Variants in RGS8 observed in about 807,000 individuals in gnomAD.
RGS8 encodes the protein regulator of G-protein signaling 8.
RGS8 carries 8 observed loss-of-function variants against 21.7 expected under a neutral mutation model. The observed-to-expected ratio is 0.37, with a 90% CI of 0.22 to 0.66. The LOEUF is 0.66. Among genes scored for constraint, RGS8 ranks in the 30% least tolerant of loss-of-function variants. RGS8 has a pLI of 0.59. For missense variants in RGS8, 157 were observed against 217.9 expected (o/e 0.72, Z 1.76); for synonymous variants, 80 against 83.6 (o/e 0.96, Z 0.24).
chr1:182,696,873 A>C, the RGS8 span, among the ~76,000 whole-genome samples: 1 of 152,216 alleles, frequency 6.6e-6, no homozygotes, highest in South Asian at 2.1e-4. Flanking sequence ...TTGGTGGATC[A>C]GCTGAGACTG....
the RGS8 span, among the ~76,000 whole-genome samples, chr1:182,728,035 C>A: frequency 6.6e-6 from 1 of 152,158 alleles, no homozygotes; most frequent in African/African-American, 2.4e-5. Flanking sequence ...ATATCTACAA[C>A]AAATCCAAAT....
the RGS8 span, among the ~76,000 whole-genome samples, chr1:182,700,469 G>A: frequency 6.6e-6 from 1 of 152,124 alleles, no homozygotes; most frequent in African/African-American, 2.4e-5. Flanking sequence ...GTTCTTCCTG[G>A]TTTCTCTTTC....
intron 6 of RGS8, among the ~76,000 whole-genome samples, chr1:182,647,916 AACTGAC>A (rs1453556080): frequency 6.6e-6 from 1 of 152,224 alleles, no homozygotes; most frequent in Non-Finnish European, 1.5e-5. Flanking sequence ...GCACATGTTT[AACTGAC>A]AGATAACTAA....
At chr1:182,699,333 G>T in the RGS8 span, among the ~76,000 whole-genome samples, 1 of 152,198 alleles carries the variant, frequency 6.6e-6, no homozygotes, top group African/African-American at 2.4e-5. Flanking sequence ...GGAGCTTCAT[G>T]GTGTATGTGG....
At chr1:182,713,483 C>T in the RGS8 span, among the ~76,000 whole-genome samples, 1 of 152,182 alleles carries the variant, frequency 6.6e-6, no homozygotes, top group Non-Finnish European at 1.5e-5. Context: ...CACGCCCGGC[C>T]TCTCTTTAAT....
At chr1:182,671,602 A>C (rs534759524) in intron 2 of RGS8, 55 bp downstream of exon 3, 6 of 1,472,128 alleles carry the variant, frequency 4.1e-6, no homozygotes, top group Non-Finnish European at 5.7e-6. Flanking sequence ...GGATAATGCA[A>C]TCGGTGCACA....
downstream of RGS8, chr1:182,644,560 G>A (rs957180859): frequency 6.6e-6 from 1 of 152,056 alleles, no homozygotes; most frequent in Non-Finnish European, 1.5e-5. Context: ...AGAACTCTAG[G>A]CCTCTCTATG....
At chr1:182,672,737 T>C (rs1018499635), upstream of RGS8, 8 of 1,540,244 alleles carry the variant, frequency 5.2e-6, no homozygotes, top group Admixed American at 3.3e-5. Flanking sequence ...GGAGTGAGAC[T>C]TTTCCTTTTG....
chr1:182,734,625 T>C, the RGS8 span: 2 of 152,208 alleles, frequency 1.3e-5, no homozygotes, highest in Non-Finnish European at 2.9e-5. Flanking sequence ...TTTGTAAAAA[T>C]AAGGCTTGAC....
the RGS8 span, among the ~76,000 whole-genome samples, chr1:182,733,337 C>G: frequency 6.6e-6 from 1 of 152,178 alleles, no homozygotes; most frequent in Non-Finnish European, 1.5e-5. Context: ...TGGGAGAATT[C>G]ATGAAGGATT....
upstream of RGS8, among the ~76,000 whole-genome samples, chr1:182,687,795 G>A (rs546888398): frequency 1.6e-3 from 246 of 152,308 alleles, 1 homozygote; most frequent in African/African-American, 5.7e-3. Flanking sequence ...AAAGGGAGAT[G>A]TTGTTGCCTG....
chr1:182,718,829 A>G, the RGS8 span, among the ~76,000 whole-genome samples: 2 of 152,204 alleles, frequency 1.3e-5, no homozygotes, highest in Admixed American at 6.5e-5. Flanking sequence ...TCATCTTAAG[A>G]GCCTCTCCCC....
chr1:182,743,917 C>T, the RGS8 span, among the ~76,000 whole-genome samples: 2 of 152,148 alleles, frequency 1.3e-5, no homozygotes, highest in Non-Finnish European at 2.9e-5. Flanking sequence ...TCTCTAGTTC[C>T]TTATCCTGCT....
chr1:182,716,638 AAGCTACAGAAATTGCCCATAGT>A, the RGS8 span, among the ~76,000 whole-genome samples: 1 of 152,068 alleles, frequency 6.6e-6, no homozygotes, highest in Non-Finnish European at 1.5e-5. Context: ...GAGAAACAGA[AAGCTACAGAAATTGCCCATAGT>A]CATACTGCTA....
exon 3 of RGS8, chr1:182,669,638 T>C: frequency 3.1e-6 from 5 of 1,614,208 alleles, no homozygotes; most frequent in Non-Finnish European, 4.2e-6. Context: ...GTGGCATCAG[T>C]AAGGCCGCCA....
intron 5 of RGS8, among the ~76,000 whole-genome samples, chr1:182,654,204 C>G (rs537236629): frequency 6.6e-6 from 1 of 152,048 alleles, no homozygotes; most frequent in Non-Finnish European, 1.5e-5. Flanking sequence ...CCATATGACT[C>G]CAAAGCAAGG....
chr1:182,671,526 G>T, intron 2 of RGS8, 131 bp downstream of exon 3: 1 of 741,146 alleles, frequency 1.3e-6, no homozygotes, highest in Non-Finnish European at 2.3e-6. Flanking sequence ...AAGAGGGGGA[G>T]AGAAACTAGA....
At chr1:182,707,702 GTTTGTTTTGT>G in the RGS8 span, among the ~76,000 whole-genome samples, 44 of 152,156 alleles carry the variant, frequency 2.9e-4, 1 homozygote, top group South Asian at 8.3e-3. Context: ...ATTTTTGTTT[GTTTGTTTTGT>G]TTTGTTTTGT....
At chr1:182,647,092 G>A (rs1277428180) in intron 6 of RGS8, among the ~76,000 whole-genome samples, 175 bp from the exon 8 acceptor site, 1 of 152,180 alleles carries the variant, frequency 6.6e-6, no homozygotes, top group Admixed American at 6.5e-5. Flanking sequence ...GAATCCTGTG[G>A]GGTCTGAAGA....
Sources: gnomAD v4.1 joint callset for allele counts (sites outside exome capture counted in the v4.1 genomes callset) on GRCh38, gnomAD v4.1.1 for gene constraint, MANE v1.5 for transcripts, NCBI Gene and HGNC (gene_info 2026-07-23, HGNC 2026-07-21) for gene names.